The following MUC6 variants were observed in gnomAD, a reference collection of about 807,000 sequenced individuals.
MUC6 encodes the protein mucin-6.
In MUC6, 188 loss-of-function variants were observed where a neutral mutation model predicts 201.5. That is an observed-to-expected ratio of 0.93 (90% confidence interval 0.83 to 1.05). MUC6 has a LOEUF of 1.05. MUC6 is among the 50% of genes least tolerant of loss of function. MUC6 has a pLI of 0.00. For synonymous variants in MUC6, 1,228 were observed against 1,389.4 expected (o/e 0.88, Z 2.58); for missense variants, 2,706 against 3,256.9 (o/e 0.83, Z 4.12).
chr11:1,030,344 A>T lies in MUC6; in HGVS notation c.893-9T>A, dbSNP rs1371825074. 4 of 1,546,928 alleles carry T rather than the reference A, an allele frequency of 2.6e-6. No homozygotes were observed. Among genetic ancestry groups the T allele is most frequent in the Non-Finnish European group, 3.5e-6 (4 of 1,146,280 alleles). ...CGGGCACTGACCCACGGCTGTGGGC[A>T]CACGCGGCTCCGGTGAGAGGGTCCC... On this transcript the variant is annotated splice_polypyrimidine_tract_variant and intron_variant, in intron 7 of 32. Transcript: ENST00000421673.
At chr11:1,029,202 C>T (rs770763922) in intron 10 of MUC6, 26 bp downstream of exon 10, 1 of 1,606,016 alleles carries the variant, frequency 6.2e-7, no homozygotes, top group East Asian at 2.2e-5. Flanking sequence ...AGCGCCCCTC[C>T]CCACGGGCCA....
chr11:1,036,713 G>A lies in MUC6; in HGVS notation c.-58C>T. Reference sequence around the variant, plus strand: ...CGGCAGGCCTGCTGCTGCCATCCATGCGGCTCCAACGGCCGGTCCTGGGTG... The same window carrying A: ...CGGCAGGCCTGCTGCTGCCATCCATACGGCTCCAACGGCCGGTCCTGGGTG... On this transcript the variant is annotated 5_prime_UTR_variant, in exon 1 of 33. Coordinates refer to ENST00000421673, the MANE Select transcript of MUC6 (RefSeq NM_005961.3). The A allele has an allele frequency of 6.6e-7, 1 of 1,524,756 alleles. No homozygotes were observed. Among genetic ancestry groups the A allele is most frequent in the Non-Finnish European group, 8.8e-7 (1 of 1,133,538 alleles). 94.5% of individuals were successfully genotyped at this position (1,524,756 alleles called of 1,614,324 possible).
chr11:1,030,074 G>T, intron 8 of MUC6, 139 bp downstream of exon 8: 1 of 1,141,296 alleles, frequency 8.8e-7, no homozygotes, highest in Non-Finnish European at 1.2e-6. Context: ...CTGTCCCAGG[G>T]CAAGAGGCGC....
Position 1,016,949 on chromosome 11 carries a change from A to C in MUC6, c.5852T>G (p.Val1951Gly). 1 of 1,614,102 alleles carries C rather than the reference A, an allele frequency of 6.2e-7. No homozygotes were observed. Among genetic ancestry groups the C allele is most frequent in the Non-Finnish European group, 8.5e-7 (1 of 1,179,896 alleles). ...GCTGCTGGCCGAGGTGGTGTGGGCC[A>C]CAGGGGTTCTGGTGCCTGTACTGGT... The part of the protein sequence containing the change: ...KHTSTGTRTP[V>G]AHTTSASSSR... Residue 1951 changes from valine (V) to glycine (G), a missense_variant, in exon 31 of 33, where the codon GTG becomes GGG. Val to Gly is a moderately radical substitution (Grantham distance 109, BLOSUM62 -3). Around this residue, in one of 10 missense-constraint regions of MUC6, gnomAD observed 20 missense variants for 128.3 expected, o/e 0.16. Coordinates refer to ENST00000421673, the MANE Select transcript of MUC6 (RefSeq NM_005961.3).
Position 1,016,180 on chromosome 11 carries a change from G to A in MUC6, c.6621C>T (p.Thr2207=), listed in dbSNP as rs377699351. The A allele has an allele frequency of 1.2e-5, 19 of 1,613,416 alleles. No individual in the cohort carries two copies. The South Asian group carries it at 2.1e-4, about 18-fold the overall frequency. Residue 2207 remains threonine (T), a synonymous_variant, in exon 31 of 33, where the codon ACC becomes ACT. Coordinates refer to ENST00000421673, the MANE Select transcript of MUC6 (RefSeq NM_005961.3). ...LFPSSPAAST[T]IRATLPHTIS... is the part of the protein sequence containing the mutation. ...TAGTGTGGGGGAGAGTGGCCCTAATGGTAGTAGAGGCAGCTGGAGAAGAAG... is the reference window on the plus strand; with the variant it reads ...TAGTGTGGGGGAGAGTGGCCCTAATAGTAGTAGAGGCAGCTGGAGAAGAAG...
rs1405019628 is a variant in MUC6 at position 1,021,338 on chromosome 11, T to C, written c.3527-61A>G. On this transcript the variant is annotated intron_variant, in intron 26 of 32. Transcript: ENST00000421673. Reference sequence around the variant, plus strand: ...TGGCCAGCCAGGCCCACCTGCGTGTTTCCTGCCCTGGCGGCCTCCTTCCTC... The same window carrying C: ...TGGCCAGCCAGGCCCACCTGCGTGTCTCCTGCCCTGGCGGCCTCCTTCCTC... 2.4e-6 allele frequency: 3 copies of C among 1,234,342 alleles called. No individual in the cohort carries two copies. In the East Asian group the frequency reaches 8.7e-5, roughly 36 times the overall value. 76.5% of individuals were successfully genotyped at this position (1,234,342 alleles called of 1,614,324 possible).
At chr11:1,032,193 G>T in intron 2 of MUC6, 140 bp from the exon 3 acceptor site, 2 of 1,168,354 alleles carry the variant, frequency 1.7e-6, no homozygotes, top group Non-Finnish European at 2.4e-6. Flanking sequence ...CCAGACATCC[G>T]ATGAACCTGA....
rs1857097497 is a variant in MUC6 at position 1,031,278 on chromosome 11, C to T, written c.484-19G>A. ...CCAGAACCTGCGGGAGACGGCTCTG[C>T]TGGGGGCCCGGGGGCCAGGGGCCCC... On this transcript the variant is annotated intron_variant, in intron 4 of 32. Coordinates refer to ENST00000421673, the MANE Select transcript of MUC6 (RefSeq NM_005961.3). 7 of 1,552,584 alleles carry T rather than the reference C, an allele frequency of 4.5e-6. No homozygotes were observed. Among genetic ancestry groups the T allele is most frequent in the East Asian group, 2.4e-5 (1 of 41,060 alleles).
At chr11:1,028,547 G>T in intron 13 of MUC6, 99 bp downstream of exon 13, 2 of 1,547,056 alleles carry the variant, frequency 1.3e-6, no homozygotes, top group South Asian at 2.4e-5. Context: ...CGGACACAGA[G>T]GGTTGTGTGA....
rs1857012352 is a variant in MUC6, at chr11:1,028,223, C to T, written c.1753+3G>A. 1 of 1,566,458 alleles carries T rather than the reference C, an allele frequency of 6.4e-7. No homozygotes were observed. The highest frequency in any genetic ancestry group is 8.7e-7 in the Non-Finnish European group (1 of 1,155,840). On this transcript the variant is annotated splice_donor_region_variant and intron_variant, in intron 14 of 32. Coordinates refer to ENST00000421673, the MANE Select transcript of MUC6 (RefSeq NM_005961.3). ...CCAGGGGAGTGGGGGGCCGGACACT[C>T]ACTGTTGAGCTGGCTCATGGAGCAG...
intron 30 of MUC6, 53 bp downstream of exon 30, chr11:1,019,222 G>T: frequency 1.9e-6 from 3 of 1,551,300 alleles, no homozygotes; most frequent in Non-Finnish European, 2.7e-6. Flanking sequence ...GTGAGCTGGT[G>T]GTGGGACCGG....
chr11:1,023,412 ATG>A (rs985718225), intron 26 of MUC6, 95 bp downstream of exon 26: 61 of 1,398,638 alleles, frequency 4.4e-5, no homozygotes, highest in South Asian at 3.9e-4. Context: ...GCATGAATGA[ATG>A]TGTGAATGAA....
chr11:1,015,619 C>T (rs144031062), intron 31 of MUC6, 143 bp downstream of exon 31: 798 of 1,363,758 alleles, frequency 5.9e-4, no homozygotes, highest in Non-Finnish European at 7.1e-4. Context: ...GTGGAAACGC[C>T]TGGCAGGTGT....
In MUC6 at chr11:1,028,262, G is replaced by T. The variant is rs1291521344; in HGVS notation, c.1717C>A (p.Arg573Ser). 7.5e-6 allele frequency: 12 copies of T among 1,594,620 alleles called. No individual in the cohort carries two copies. Among genetic ancestry groups the T allele is most frequent in the East Asian group, 2.3e-5 (1 of 43,676 alleles). ...CTCATGGAGCAGGGGTCAGTCTCAC[G>T]CTCCAGAGCGGCCGGACAGTTCCCC... Reference protein sequence around the residue: ...RAGNCPAALERETDPCSMSQL... With the variant: ...RAGNCPAALESETDPCSMSQL... The change falls in exon 14 of 33, where the codon CGT becomes AGT. Residue 573 changes from arginine (R) to serine (S), a missense_variant. Physicochemically the swap from Arg to Ser is moderately radical, Grantham distance 110. This residue lies in a region of MUC6 where 1,850 missense variants were observed against 1,958.3 expected (regional missense o/e 0.94). Transcript: ENST00000421673.
chr11:1,026,798 A>C, intron 19 of MUC6, 143 bp downstream of exon 19: 1 of 935,638 alleles, frequency 1.1e-6, no homozygotes, highest in Non-Finnish European at 1.6e-6. Context: ...CTGCCTGGCC[A>C]CAGGGCCGCT....
chr11:1,019,866 A>G lies in MUC6; in HGVS notation c.3808+224T>C, dbSNP rs980334797. ...CAGGTCCCACACGGTTTCTAGTGAC[A>G]GCAGCCAGCAGCAAGGAATGCCCCA... On this transcript the variant is annotated intron_variant, in intron 29 of 32. Coordinates refer to ENST00000421673, the MANE Select transcript of MUC6 (RefSeq NM_005961.3). 5 of 703,880 alleles carry G rather than the reference A, an allele frequency of 7.1e-6. No individual in the cohort carries two copies. In the African/African-American group the frequency reaches 9.0e-5, roughly 13 times the overall value. 43.6% of individuals were successfully genotyped at this position (703,880 alleles called of 1,614,324 possible). A position where few individuals can be genotyped will look rare whatever the true frequency, so the allele number is the denominator to read the frequency against.
rs781516157 is a variant in MUC6, at chr11:1,029,108, C to T, written c.1318G>A (p.Asp440Asn). 11 of 1,611,458 alleles carry T rather than the reference C, an allele frequency of 6.8e-6. No individual in the cohort carries two copies. The highest frequency in any genetic ancestry group is 5.3e-5 in the African/African-American group (4 of 74,918). Residue 440 changes from aspartate (D) to asparagine (N), a missense_variant, in exon 11 of 33, where the codon GAC becomes AAC. Physicochemically the swap from Asp to Asn is conservative, Grantham distance 23 (BLOSUM62 1). Around this residue, in one of 10 missense-constraint regions of MUC6, gnomAD observed 1,850 missense variants for 1,958.3 expected, o/e 0.94. Coordinates refer to ENST00000421673, the MANE Select transcript of MUC6 (RefSeq NM_005961.3). Reference sequence around the variant, plus strand: ...TCGGAGTGTGAGACGCCGGACTTGTCGTACACAGCCATGAGGGCACCGTCC... The same window carrying T: ...TCGGAGTGTGAGACGCCGGACTTGTTGTACACAGCCATGAGGGCACCGTCC... ...PEDGALMAVY[D>N]KSGVSHSETS...
chr11:1,014,065 C>T, intron 31 of MUC6, 64 bp from the exon 32 acceptor site: 6 of 1,431,674 alleles, frequency 4.2e-6, no homozygotes, highest in African/African-American at 1.4e-5. Flanking sequence ...GGAGGGAAAC[C>T]CTGGCTAGAG....
intron 22 of MUC6, 32 bp from the exon 23 acceptor site, chr11:1,025,399 T>A (rs1856931901): frequency 6.3e-7 from 1 of 1,593,536 alleles, no homozygotes. Context: ...GGACTGCCTG[T>A]CTGTCTCCCC....
Sources: gnomAD v4.1 joint callset for allele counts on GRCh38, gnomAD v4.1.1 for gene constraint, gnomAD v4.1.1 regional missense constraint, MANE v1.5 for transcripts, NCBI Gene and HGNC (gene_info 2026-07-23, HGNC 2026-07-21) for gene names.